DNAH5: variants seen among roughly 807,000 people sequenced by gnomAD.
The protein encoded by DNAH5 is dynein axonemal heavy chain 5.
A neutral mutation model predicts 518.2 loss-of-function variants in DNAH5; 372 were observed. That is an observed-to-expected ratio of 0.72 (90% CI 0.66 to 0.78). The LOEUF (loss-of-function observed/expected upper bound fraction) is 0.78. Among genes scored for constraint, DNAH5 ranks in the 30% least tolerant of loss-of-function variants. The pLI, the probability that DNAH5 is intolerant of heterozygous loss-of-function variation, is 0.00. For synonymous variants in DNAH5, 2,039 were observed against 2,025.9 expected (o/e 1.01, Z -0.17); for missense variants, 5,523 against 5,687.0 (o/e 0.97, Z 0.93).
chr5:13,746,276 G>A (rs1021941333), intron 65 of DNAH5, among the ~76,000 whole-genome samples: 1 of 152,082 alleles, frequency 6.6e-6, no homozygotes, highest in African/African-American at 2.4e-5. Flanking sequence ...CCTGGGAGGA[G>A]ACCTGTGCTC....
rs746356049 is a variant in DNAH5 at position 13,885,031 on chromosome 5, T to C, written c.2941A>G (p.Ile981Val). 5.0e-6 allele frequency: 8 copies of C among 1,614,218 alleles called. No individual in the cohort carries two copies. In the Admixed American group the frequency reaches 8.3e-5, roughly 17 times the overall value. The part of the protein sequence containing the change: ...LKVTRNTLEA[I>V]RKRIHSSHTI... ...TGAGAGGAATGAATACGTTTGCGAA[T>C]GGCCTCTAGTGTATTCCTTGTAACT... The change falls in exon 19 of 79, where the codon ATT becomes GTT. Residue 981 changes from isoleucine to valine, a missense_variant. Around this residue, in one of 3 missense-constraint regions of DNAH5, gnomAD observed 5,121 missense variants for 5,223.3 expected, o/e 0.98. Transcript: ENST00000265104.
At chr5:13,789,689 A>G (rs6888506) in intron 50 of DNAH5, among the ~76,000 whole-genome samples, 36,188 of 152,178 alleles carry the variant, frequency 0.24, 4,526 homozygotes, top group Middle Eastern at 0.36. Flanking sequence ...AGTTTATGAT[A>G]ACATCAATTG....
At chr5:13,693,974 C>T (rs542770331) in intron 78 of DNAH5, among the ~76,000 whole-genome samples, 2 of 152,136 alleles carry the variant, frequency 1.3e-5, no homozygotes, top group African/African-American at 2.4e-5. Flanking sequence ...TCATGCAATA[C>T]GGTTAACGCT....
Position 13,901,246 on chromosome 5 carries a change from A to T in DNAH5, c.2052+6T>A, listed in dbSNP as rs990892916. The T allele has an allele frequency of 3.7e-6, 6 of 1,612,790 alleles. No individual in the cohort carries two copies. The highest frequency in any genetic ancestry group is 1.3e-5 in the African/African-American group (1 of 75,002). ...CAATGGGAAGAGTATAAATTTAGGG[A>T]CTCACTTGCCGAAGCCACGCCCTGT... On this transcript the variant is annotated splice_donor_region_variant and intron_variant, in intron 14 of 78. Coordinates refer to ENST00000265104, the MANE Select transcript of DNAH5 (RefSeq NM_001369.3).
At chr5:13,885,837 A>G (rs1396696610) in intron 18 of DNAH5, 127 bp downstream of exon 18, 1 of 878,362 alleles carries the variant, frequency 1.1e-6, no homozygotes, top group Non-Finnish European at 1.8e-6. Context: ...TCAGATTTAT[A>G]CATATCATTA....
At chr5:13,759,366 C>A (rs1374693495) in intron 60 of DNAH5, among the ~76,000 whole-genome samples, 7 of 152,092 alleles carry the variant, frequency 4.6e-5, no homozygotes, top group South Asian at 2.1e-4. Flanking sequence ...GGCCCACAGG[C>A]CATAGTCTAC....
intron 9 of DNAH5, 67 bp from the exon 10 acceptor site, chr5:13,914,709 G>GAGTTAAGGACCTTCTA: frequency 6.6e-7 from 1 of 1,516,326 alleles, no homozygotes; most frequent in Non-Finnish European, 9.1e-7. Context: ...TGGACTAGAA[G>GAGTTAAGGACCTTCTA]GTCCTTAACT....
intron 39 of DNAH5, among the ~76,000 whole-genome samples, 188 bp downstream of exon 39, chr5:13,824,011 G>A (rs1217479215): frequency 6.6e-6 from 1 of 152,206 alleles, no homozygotes; most frequent in Admixed American, 6.5e-5. Context: ...ACATTTTGGA[G>A]TGGATAGGAA....
intron 1 of DNAH5, among the ~76,000 whole-genome samples, chr5:13,987,032 G>C (rs1783100460): frequency 6.6e-6 from 1 of 152,178 alleles, no homozygotes; most frequent in South Asian, 2.1e-4. Flanking sequence ...GCCGGAGCAA[G>C]GGAAAATTCT....
chr5:13,972,468 A>C (rs1781943550), intron 1 of DNAH5, among the ~76,000 whole-genome samples: 1 of 152,180 alleles, frequency 6.6e-6, no homozygotes, highest in South Asian at 2.1e-4. Context: ...TGTGAAACAA[A>C]GTCAGGAATG....
chr5:13,807,697 G>T lies in DNAH5; in HGVS notation c.7781C>A (p.Thr2594Lys). The T allele has an allele frequency of 6.2e-7, 1 of 1,607,686 alleles. No individual in the cohort carries two copies. Among genetic ancestry groups the T allele is most frequent in the Non-Finnish European group, 8.5e-7 (1 of 1,175,892 alleles). The change falls in exon 47 of 79, where the codon ACA (threonine) becomes AAA (lysine). Residue 2594 changes from threonine to lysine, a missense_variant. Physicochemically the swap from Thr to Lys is moderately conservative, Grantham distance 78. Around this residue, in one of 3 missense-constraint regions of DNAH5, gnomAD observed 5,121 missense variants for 5,223.3 expected, o/e 0.98. Coordinates refer to ENST00000265104, the MANE Select transcript of DNAH5 (RefSeq NM_001369.3). ...TCCTTTAATTATTACTGTTTTGGCTGTTCCTTGTTCACCAATTAATAGCAC... is the reference window on the plus strand; with the variant it reads ...TCCTTTAATTATTACTGTTTTGGCTTTTCCTTGTTCACCAATTAATAGCAC... ...KAVLLIGEQGTAKTVIIKGFM... is the reference protein window; with the variant it reads ...KAVLLIGEQGKAKTVIIKGFM...
chr5:13,701,276 G>T lies in DNAH5; in HGVS notation c.13491+8C>A. ...AATAACGCAACGGGTGCAAATCAGA[G>T]CTCTTACCTGTCGCATTGCAGTTAA... On this transcript the variant is annotated splice_region_variant and intron_variant, in intron 77 of 78. Transcript: ENST00000265104. 1 of 1,613,930 alleles carries T rather than the reference G, an allele frequency of 6.2e-7. No homozygotes were observed.
chr5:13,820,670 CA>C (rs1288886936), intron 40 of DNAH5, among the ~76,000 whole-genome samples, 171 bp from the exon 41 acceptor site: 2 of 151,826 alleles, frequency 1.3e-5, no homozygotes, highest in Non-Finnish European at 2.9e-5. Context: ...TAAAAAAATA[CA>C]AAAATTAGCC....
intron 1 of DNAH5, among the ~76,000 whole-genome samples, chr5:14,000,773 C>A (rs1784298029): frequency 6.6e-6 from 1 of 152,100 alleles, no homozygotes; most frequent in Non-Finnish European, 1.5e-5. Context: ...ATCGTTCAAC[C>A]CAGCAATCCC....
chr5:13,856,320 C>T (rs1450295725), intron 30 of DNAH5, among the ~76,000 whole-genome samples: 4 of 152,080 alleles, frequency 2.6e-5, no homozygotes, highest in Non-Finnish European at 5.9e-5. Flanking sequence ...GGGGATATCG[C>T]CACTGATCCC....
intron 4 of DNAH5, 88 bp from the exon 5 acceptor site, chr5:13,922,416 T>G: frequency 7.8e-7 from 1 of 1,277,524 alleles, no homozygotes; most frequent in Non-Finnish European, 1.1e-6. Flanking sequence ...GTTGTCACTT[T>G]ACCAAATACC....
intron 1 of DNAH5, among the ~76,000 whole-genome samples, chr5:14,001,301 G>GA (rs1201816943): frequency 6.6e-6 from 1 of 151,840 alleles, no homozygotes; most frequent in South Asian, 2.1e-4. Context: ...ATAAAAGTTG[G>GA]AAAAAAAGAA....
chr5:13,966,638 G>T (rs536337937), intron 1 of DNAH5, among the ~76,000 whole-genome samples: 3 of 152,178 alleles, frequency 2.0e-5, no homozygotes, highest in East Asian at 3.9e-4. Context: ...TTTCATGTTT[G>T]TTGGCCATTT....
At chr5:13,748,741 C>T (rs866654325) in intron 65 of DNAH5, among the ~76,000 whole-genome samples, 57 of 152,196 alleles carry the variant, frequency 3.7e-4, no homozygotes, top group African/African-American at 9.6e-4. Flanking sequence ...TATCCTGAGA[C>T]TTTGCTTAAG....
Sources: allele counts gnomAD v4.1 joint callset (sites outside exome capture counted in the v4.1 genomes callset), GRCh38; gene constraint gnomAD v4.1.1; regional missense constraint gnomAD v4.1.1; transcripts MANE v1.5; gene names NCBI Gene and HGNC (gene_info 2026-07-23, HGNC 2026-07-21).